FOXP2: variants seen among roughly 807,000 people sequenced by gnomAD.
FOXP2 encodes forkhead box protein P2.
In FOXP2, 12 loss-of-function variants were observed where a neutral mutation model predicts 115.8. That is an observed-to-expected ratio of 0.10 (90% confidence interval 0.07 to 0.17). The LOEUF is 0.17. Among genes scored for constraint, FOXP2 ranks in the 10% least tolerant of loss-of-function variants. FOXP2 has a pLI of 1.00. For synonymous variants in FOXP2, 328 were observed against 297.7 expected, an observed-to-expected ratio of 1.10 and a Z score of -1.05; for missense variants, 629 against 843.5, an observed-to-expected ratio of 0.75 and a Z score of 3.15.
At chr7:114,179,222 T>C (rs1793394429) in intron 1 of FOXP2, among the ~76,000 whole-genome samples, 1 of 152,010 alleles carries the variant, frequency 6.6e-6, no homozygotes, top group African/African-American at 2.4e-5. Flanking sequence ...TGTTGGCTTT[T>C]ATTATTTTTA....
chr7:114,214,811 G>A (rs1185478009), intron 1 of FOXP2, among the ~76,000 whole-genome samples: 1 of 152,124 alleles, frequency 6.6e-6, no homozygotes, highest in Non-Finnish European at 1.5e-5. Flanking sequence ...TAGTTTCCTA[G>A]GGAGCAAAAC....
chr7:114,392,037 C>G lies in FOXP2; in HGVS notation c.-10-34465C>G, dbSNP rs576667499. On this transcript the variant is annotated intron_variant, in intron 2 of 17. Transcript: ENST00000634411. ...AACTATGTTGTCAAGATCTTTAATA[C>G]CGTGCCTGACACAGAATGAGAATGT... is the stretch of plus-strand genomic sequence containing the variant. Among the ~76,000 whole-genome samples, 44 of 152,166 alleles carry G rather than the reference C, an allele frequency of 2.9e-4. 1 individual carries two copies. In the South Asian group the frequency reaches 9.1e-3, roughly 32 times the overall value.
chr7:114,161,368 T>C (rs1033890491), upstream of FOXP2, among the ~76,000 whole-genome samples: 4 of 152,202 alleles, frequency 2.6e-5, no homozygotes, highest in African/African-American at 9.6e-5. Flanking sequence ...ATTGCGAATA[T>C]CATTTACATT....
intron 11 of FOXP2, among the ~76,000 whole-genome samples, chr7:114,659,087 A>G (rs1317574371): frequency 6.6e-6 from 1 of 152,136 alleles, no homozygotes; most frequent in Non-Finnish European, 1.5e-5. Flanking sequence ...ACCCACTTTA[A>G]AGAAGACCTG....
chr7:114,171,644 G>A (rs1257937535), intron 1 of FOXP2, among the ~76,000 whole-genome samples: 1 of 152,302 alleles, frequency 6.6e-6, no homozygotes, highest in South Asian at 2.1e-4. Flanking sequence ...GATGAATGTT[G>A]TCTTTATGCC....
intron 1 of FOXP2, among the ~76,000 whole-genome samples, chr7:114,281,095 A>ATTTTTTTTTTTTTTTTTTTTTTTT (rs71157578): frequency 1.1e-5 from 1 of 92,858 alleles, no homozygotes. Flanking sequence ...TGCAATTTGA[A>ATTTTTTTTTTTTTTTTTTTTTTTT]TTTTTTTTTT....
intron 1 of FOXP2, among the ~76,000 whole-genome samples, chr7:114,421,279 A>G (rs1283614781): frequency 1.3e-5 from 2 of 151,746 alleles, no homozygotes; most frequent in Non-Finnish European, 3.0e-5. Context: ...GGAGCAAAAT[A>G]TAATATACTT....
chr7:114,444,104 CAT>C (rs934406048), intron 2 of FOXP2, among the ~76,000 whole-genome samples: 1 of 152,136 alleles, frequency 6.6e-6, no homozygotes, highest in African/African-American at 2.4e-5. Flanking sequence ...AATGCTAAAA[CAT>C]ATGTCATCTG....
chr7:114,655,839 C>G (rs529440775), intron 10 of FOXP2, among the ~76,000 whole-genome samples: 31 of 152,242 alleles, frequency 2.0e-4, no homozygotes, highest in African/African-American at 7.5e-4. Flanking sequence ...ACCCCATTTA[C>G]TCTCTGAATG....
At position 114,130,815 on chromosome 7, in the gene FOXP2, A is replaced by G. The variant is rs1324486608; in HGVS notation, c.-246-32129A>G. On this transcript the variant is annotated intron_variant, in intron 1 of 19. Transcript: ENST00000635638. ...TTTCTGGGAAAAATCGTAAACTGCT[A>G]TTGAATTTCATTTTCATTTAATTTT... 3.9e-5 allele frequency among the ~76,000 whole-genome samples: 6 copies of G among 152,358 alleles called. No homozygotes were observed. The East Asian group carries it at 9.6e-4, about 24-fold the overall frequency.
At chr7:114,381,198 A>G (rs1351094349) in intron 2 of FOXP2, among the ~76,000 whole-genome samples, 2 of 152,196 alleles carry the variant, frequency 1.3e-5, no homozygotes, top group Non-Finnish European at 2.9e-5. Context: ...ATAAGCCAGT[A>G]TAGGTTAGAT....
At chr7:114,546,374 G>C (rs1282619045) in intron 3 of FOXP2, among the ~76,000 whole-genome samples, 1 of 152,180 alleles carries the variant, frequency 6.6e-6, no homozygotes, top group African/African-American at 2.4e-5. Flanking sequence ...GTAGACTGGT[G>C]CTATGCACCA....
At chr7:114,516,220 C>G (rs556444724) in intron 2 of FOXP2, among the ~76,000 whole-genome samples, 1 of 152,088 alleles carries the variant, frequency 6.6e-6, no homozygotes, top group Non-Finnish European at 1.5e-5. Context: ...AGATATAGAT[C>G]AATGGAACAG....
Position 114,250,512 on chromosome 7 carries a change from A to T in FOXP2, c.-101-37507A>T, listed in dbSNP as rs150493040. On this transcript the variant is annotated intron_variant, in intron 1 of 17. Transcript: ENST00000634411. ...TCTAACTCGTGTGAGATGGTATCTC[A>T]TTGTGGTTTTGATCTGCATTTCCCT... Among the ~76,000 whole-genome samples the T allele has an allele frequency of 2.6e-3, 396 of 152,200 alleles. 2 individuals carry two copies. The highest frequency in any genetic ancestry group is 9.2e-3 in the African/African-American group (381 of 41,528).
chr7:114,473,917 A>G (rs1227570490), intron 2 of FOXP2, among the ~76,000 whole-genome samples: 1 of 152,208 alleles, frequency 6.6e-6, no homozygotes, highest in Non-Finnish European at 1.5e-5. Flanking sequence ...AATGTCTGTA[A>G]CAACAACAAA....
intron 1 of FOXP2, among the ~76,000 whole-genome samples, chr7:114,415,887 T>G (rs1030963768): frequency 6.6e-6 from 1 of 151,994 alleles, no homozygotes; most frequent in African/African-American, 2.4e-5. Context: ...TCAGATGATC[T>G]TTGTAGTTTT....
intron 1 of FOXP2, among the ~76,000 whole-genome samples, chr7:114,233,762 C>A (rs1794943938): frequency 6.6e-6 from 1 of 152,166 alleles, no homozygotes; most frequent in Admixed American, 6.5e-5. Context: ...CCTGTAATCC[C>A]AACACTTTGG....
chr7:114,687,467 T>C (rs1345772870), intron 16 of FOXP2, among the ~76,000 whole-genome samples: 2 of 152,182 alleles, frequency 1.3e-5, no homozygotes, highest in African/African-American at 4.8e-5. Context: ...ACTAAATGAC[T>C]CATCCAGACA....
At chr7:114,305,857 G>A (rs757967617) in intron 2 of FOXP2, among the ~76,000 whole-genome samples, 10 of 151,082 alleles carry the variant, frequency 6.6e-5, no homozygotes, top group Non-Finnish European at 5.9e-5. Flanking sequence ...TTGAAGTTAT[G>A]TAACTTGCCA....
Sources: gnomAD v4.1 joint callset for allele counts (sites outside exome capture counted in the v4.1 genomes callset) on GRCh38, gnomAD v4.1.1 for gene constraint, MANE v1.5 for transcripts, NCBI Gene and HGNC (gene_info 2026-07-23, HGNC 2026-07-21) for gene names.